Variants in DMD observed in about 807,000 individuals in gnomAD.
The protein encoded by DMD is mutant dystrophin.
In DMD, 63 loss-of-function variants were observed where a neutral mutation model predicts 330.1. The observed-to-expected ratio is 0.19, with a 90% CI of 0.16 to 0.24. DMD has a LOEUF of 0.24. Among genes scored for constraint, DMD ranks in the 10% least tolerant of loss-of-function variants. DMD has a pLI of 1.00. For synonymous variants in DMD, 1,223 were observed against 959.8 expected, an observed-to-expected ratio of 1.27 and a Z score of -5.07; for missense variants, 3,344 against 2,684.1, an observed-to-expected ratio of 1.25 and a Z score of -5.43.
chrX:31,856,742 T>C (rs2149581818), intron 48 of DMD, among the ~76,000 whole-genome samples: 1 of 112,494 alleles, frequency 8.9e-6, no homozygotes, highest in African/African-American at 3.2e-5. Flanking sequence ...TGTGCATAAT[T>C]TGTATTTGTG....
chrX:32,623,018 A>C (rs2058100641), intron 11 of DMD, among the ~76,000 whole-genome samples: 1 of 112,088 alleles, frequency 8.9e-6, no homozygotes, highest in South Asian at 3.7e-4. Flanking sequence ...TAAAACTCAG[A>C]AGATATAGAT....
At chrX:32,825,872 A>G (rs1208773645) in intron 4 of DMD, among the ~76,000 whole-genome samples, 1 of 111,791 alleles carries the variant, frequency 8.9e-6, no homozygotes, top group Admixed American at 9.5e-5. Context: ...GTGAAAATGG[A>G]GAGTAATCGT....
At chrX:33,001,552 AC>A (rs1043579641) in intron 2 of DMD, among the ~76,000 whole-genome samples, 2 of 101,707 alleles carry the variant, frequency 2.0e-5, no homozygotes, top group African/African-American at 8.6e-5. Flanking sequence ...GAGTTCTCAG[AC>A]AATTTTTTCT....
At chrX:32,402,427 C>T (rs1393874329) in intron 30 of DMD, among the ~76,000 whole-genome samples, 1 of 111,296 alleles carries the variant, frequency 9.0e-6, no homozygotes, top group African/African-American at 3.3e-5. Context: ...TATATCACCA[C>T]AATCCAACTT....
chrX:32,323,305 A>G (rs1323207238), intron 41 of DMD, among the ~76,000 whole-genome samples: 1 of 111,395 alleles, frequency 9.0e-6, no homozygotes, highest in Non-Finnish European at 1.9e-5. Flanking sequence ...TGCTGAAACC[A>G]GTGCCCCACA....
chrX:33,010,676 G>T (rs1010952204), intron 2 of DMD, among the ~76,000 whole-genome samples: 1 of 111,296 alleles, frequency 9.0e-6, no homozygotes. Flanking sequence ...TTCAGTTTTT[G>T]AGTATAGTCC....
At chrX:33,254,248 C>T (rs1349116660) in intron 1 of DMD, among the ~76,000 whole-genome samples, 2 of 110,821 alleles carry the variant, frequency 1.8e-5, no homozygotes, top group Non-Finnish European at 3.8e-5. Context: ...CTATTGTTTA[C>T]ACTGTACAGT....
intron 48 of DMD, among the ~76,000 whole-genome samples, chrX:31,837,360 G>A: frequency 9.0e-6 from 1 of 111,578 alleles, no homozygotes; most frequent in Non-Finnish European, 1.9e-5. Context: ...CAGGCCTTCT[G>A]AAGAACGATT....
At chrX:31,381,611 A>ATC (rs1179953462) in intron 60 of DMD, among the ~76,000 whole-genome samples, 38 of 110,572 alleles carry the variant, frequency 3.4e-4, no homozygotes, top group Non-Finnish European at 5.1e-4. Context: ...CCATGACTGT[A>ATC]TCTCTGATCC....
chrX:32,760,747 T>A (rs1029725304), intron 7 of DMD, among the ~76,000 whole-genome samples: 1 of 112,195 alleles, frequency 8.9e-6, no homozygotes, highest in Non-Finnish European at 1.9e-5. Flanking sequence ...GGCATCATTA[T>A]GATCATTTGG....
At chrX:33,333,142 A>C (rs1458566147) in intron 1 of DMD, among the ~76,000 whole-genome samples, 1 of 111,309 alleles carries the variant, frequency 9.0e-6, no homozygotes, top group East Asian at 2.8e-4. Flanking sequence ...AGCGAAAGGC[A>C]AGCCAACTAA....
intron 62 of DMD, among the ~76,000 whole-genome samples, chrX:31,267,125 A>AAGAAAGAAAGAAAG (rs1344265810): frequency 1.4e-4 from 16 of 110,373 alleles, no homozygotes; most frequent in Non-Finnish European, 2.8e-4. Context: ...GAAAGAAAGA[A>AAGAAAGAAAGAAAG]AGAAAGAAAG....
At chrX:32,270,086 T>C (rs1055202239) in intron 43 of DMD, among the ~76,000 whole-genome samples, 3 of 112,298 alleles carry the variant, frequency 2.7e-5, no homozygotes, top group African/African-American at 9.7e-5. Flanking sequence ...GGGTATCCTG[T>C]GAGCTGTGAT....
chrX:31,456,060 C>CCTCT (rs57908791), intron 59 of DMD, among the ~76,000 whole-genome samples: 2,038 of 102,705 alleles, frequency 0.02, 52 homozygotes, highest in African/African-American at 0.067. Flanking sequence ...ACAGATGATC[C>CCTCT]CTCTCTCTCT....
chrX:32,819,206 G>A (rs1339613152), intron 5 of DMD, among the ~76,000 whole-genome samples: 1 of 110,821 alleles, frequency 9.0e-6, no homozygotes, highest in Non-Finnish European at 1.9e-5. Flanking sequence ...AGCAAGAACT[G>A]TCTTGCACAG....
At chrX:32,694,816 C>T (rs889103517) in intron 9 of DMD, among the ~76,000 whole-genome samples, 2 of 110,791 alleles carry the variant, frequency 1.8e-5, no homozygotes, top group South Asian at 7.8e-4. Context: ...GCCACCACAC[C>T]CAGCTAATTT....
At chrX:31,346,370 T>A (rs1039201119) in intron 61 of DMD, among the ~76,000 whole-genome samples, 1 of 111,255 alleles carries the variant, frequency 9.0e-6, no homozygotes, top group Non-Finnish European at 1.9e-5. Flanking sequence ...CACAAAGTAA[T>A]TGCGTTAAAA....
intron 2 of DMD, among the ~76,000 whole-genome samples, chrX:32,958,244 T>C (rs138255512): frequency 0.016 from 1,780 of 111,556 alleles, 31 homozygotes; most frequent in African/African-American, 0.055. Flanking sequence ...ACAAAGTGTA[T>C]TAAAAATAGA....
Position 32,652,671 on chromosome X carries a change from T to G in DMD, c.961-7519A>C, listed in dbSNP as rs1487270275. On this transcript the variant is annotated intron_variant, in intron 9 of 78. Transcript: ENST00000357033. Reference sequence around the variant, plus strand: ...ATACCCAGTAATGGGTATATTACTGTAATGGGATAAAATGGGATGGCTGGG... The same window carrying G: ...ATACCCAGTAATGGGTATATTACTGGAATGGGATAAAATGGGATGGCTGGG... 4.5e-5 allele frequency among the ~76,000 whole-genome samples: 5 copies of G among 111,307 alleles called. No individual in the cohort carries two copies. In the East Asian group the frequency reaches 1.4e-3, roughly 32 times the overall value.
Sources: allele counts gnomAD v4.1 joint callset (sites outside exome capture counted in the v4.1 genomes callset), GRCh38; gene constraint gnomAD v4.1.1; transcripts MANE v1.5; gene names NCBI Gene and HGNC (gene_info 2026-07-23, HGNC 2026-07-21).